RMDN2: variants seen among roughly 807,000 people sequenced by gnomAD.
RMDN2 encodes regulator of microtubule dynamics protein 2.
In RMDN2, 61 loss-of-function variants were observed where a neutral mutation model predicts 52.8. The observed-to-expected ratio is 1.16, with a 90% confidence interval of 0.94 to 1.43. The LOEUF (loss-of-function observed/expected upper bound fraction) is 1.43. Ranked by LOEUF, RMDN2 falls within the 40% of genes most tolerant of loss-of-function variation. The probability of loss-of-function intolerance (pLI) is 0.00; values close to 1 mark genes in which losing one functional copy is unlikely to be tolerated. For synonymous variants in RMDN2, 180 were observed against 153.1 expected, an observed-to-expected ratio of 1.18 and a Z score of -1.30; for missense variants, 592 against 475.3, an observed-to-expected ratio of 1.25 and a Z score of -2.28.
intron 6 of RMDN2, among the ~76,000 whole-genome samples, 167 bp from the exon 7 acceptor site, chr2:37,991,053 A>G (rs1014118252): frequency 3.3e-5 from 5 of 152,200 alleles, no homozygotes; most frequent in Admixed American, 3.3e-4. Flanking sequence ...GTAAGCAATC[A>G]TTTTTGGTAA....
At chr2:38,050,222 C>T (rs1159029424) in intron 10 of RMDN2, among the ~76,000 whole-genome samples, 1 of 152,024 alleles carries the variant, frequency 6.6e-6, no homozygotes, top group Non-Finnish European at 1.5e-5. Context: ...TGTGCCTCCA[C>T]TCCTCTCATG....
Position 37,997,434 on chromosome 2 carries a change from A to C in RMDN2, c.964A>C (p.Ile322Leu), listed in dbSNP as rs1376285750. The stretch of plus-strand genomic sequence containing the variant: ...TTTGCAGGTCTCAAAACTGAGCTGG[A>C]TTGAGAAAAAAATGGCTGCTACTCT... ...YCYTVSKLSWIEKKMAATLFG... is the reference protein window; with the variant it reads ...YCYTVSKLSWLEKKMAATLFG... Residue 322 changes from isoleucine to leucine, a missense_variant, in exon 8 of 11, where the codon ATT becomes CTT. By Grantham distance (5) the Ile-to-Leu change is conservative (BLOSUM62 2). Coordinates refer to ENST00000354545, the MANE Select transcript of RMDN2 (RefSeq NM_001170791.3). The C allele has an allele frequency of 4.3e-6, 7 of 1,613,202 alleles. No individual in the cohort carries two copies. The highest frequency in any genetic ancestry group is 4.2e-6 in the Non-Finnish European group (5 of 1,179,286).
At chr2:38,049,730 GC>G (rs938548924) in intron 10 of RMDN2, among the ~76,000 whole-genome samples, 15 of 152,178 alleles carry the variant, frequency 9.9e-5, no homozygotes, top group African/African-American at 3.4e-4. Flanking sequence ...ATGCCACCAT[GC>G]CCAGCTAATT....
At chr2:38,056,742 G>C (rs183063075) in intron 10 of RMDN2, among the ~76,000 whole-genome samples, 2 of 152,212 alleles carry the variant, frequency 1.3e-5, no homozygotes, top group Admixed American at 1.3e-4. Flanking sequence ...ACCCCTAAAT[G>C]ATATAAAATG....
At chr2:38,021,861 G>C (rs1369417211), downstream of RMDN2, among the ~76,000 whole-genome samples, 2 of 152,156 alleles carry the variant, frequency 1.3e-5, no homozygotes, top group Non-Finnish European at 2.9e-5. Context: ...GTGAGGCCCA[G>C]TTCTTAACAG....
chr2:37,975,389 G>T, intron 4 of RMDN2, 75 bp downstream of exon 4: 1 of 858,078 alleles, frequency 1.2e-6, no homozygotes, highest in South Asian at 1.4e-5. Context: ...AAAAAAGGAT[G>T]AGTTCATGTC....
At chr2:37,982,218 C>T (rs1673412817) in intron 5 of RMDN2, among the ~76,000 whole-genome samples, 1 of 152,134 alleles carries the variant, frequency 6.6e-6, no homozygotes, top group Non-Finnish European at 1.5e-5. Flanking sequence ...CTCATTTTTG[C>T]CCCACCAAAA....
chr2:37,994,800 TA>T (rs1300625532), intron 7 of RMDN2, among the ~76,000 whole-genome samples: 1 of 152,116 alleles, frequency 6.6e-6, no homozygotes, highest in Non-Finnish European at 1.5e-5. Flanking sequence ...CCAAGAGAAA[TA>T]AAAATATATG....
At position 38,007,712 on chromosome 2, in the gene RMDN2, C is replaced by G. The variant is rs186701600; in HGVS notation, c.1179+3496C>G. On this transcript the variant is annotated intron_variant, in intron 10 of 10. Transcript: ENST00000354545. The stretch of plus-strand genomic sequence containing the variant: ...TTTTATGTCTCTGTTTCCTTCAGTT[C>G]TGCTCTGATCTTAGTTATTTCTTGC... Among the ~76,000 whole-genome samples the G allele has an allele frequency of 1.2e-4, 19 of 152,162 alleles. No individual in the cohort carries two copies. In the East Asian group the frequency reaches 3.5e-3, roughly 28 times the overall value.
chr2:37,985,726 A>G (rs1353038145), intron 5 of RMDN2, among the ~76,000 whole-genome samples: 7 of 152,182 alleles, frequency 4.6e-5, no homozygotes, highest in Non-Finnish European at 1.0e-4. Flanking sequence ...CACAACAGTA[A>G]CTCAAAAGAT....
intron 1 of RMDN2, chr2:37,928,664 T>A (rs1666477813): frequency 6.6e-6 from 1 of 152,332 alleles, no homozygotes; most frequent in Non-Finnish European, 1.5e-5. Flanking sequence ...AATGAATGGT[T>A]TATGTTCCCA....
At chr2:37,938,777 G>T (rs562061587) in intron 2 of RMDN2, among the ~76,000 whole-genome samples, 1 of 151,830 alleles carries the variant, frequency 6.6e-6, no homozygotes, top group South Asian at 2.1e-4. Context: ...GTCTATTTGA[G>T]TCTTCTCTCC....
chr2:37,921,058 A>G (rs911312190), upstream of RMDN2, among the ~76,000 whole-genome samples: 2 of 152,242 alleles, frequency 1.3e-5, no homozygotes, highest in Non-Finnish European at 2.9e-5. Context: ...TTAATTAGGT[A>G]TGTATACTTT....
chr2:37,939,360 A>G (rs541219527), intron 2 of RMDN2, among the ~76,000 whole-genome samples: 1 of 152,284 alleles, frequency 6.6e-6, no homozygotes, highest in East Asian at 1.9e-4. Flanking sequence ...AGAAAAATGT[A>G]TATTCTGTTG....
intron 10 of RMDN2, among the ~76,000 whole-genome samples, chr2:38,031,524 A>G (rs1573183060): frequency 6.6e-6 from 1 of 152,214 alleles, no homozygotes; most frequent in East Asian, 1.9e-4. Context: ...TACATTTCAT[A>G]AAGTAGTTGA....
intron 2 of RMDN2, chr2:37,951,380 C>T (rs1668770580): frequency 6.2e-7 from 1 of 1,613,136 alleles, no homozygotes; most frequent in South Asian, 1.1e-5. Flanking sequence ...CACATAAAGT[C>T]AATGCAGCCA....
intron 2 of RMDN2, among the ~76,000 whole-genome samples, chr2:37,968,457 A>G (rs1034950119): frequency 2.0e-5 from 3 of 151,014 alleles, no homozygotes; most frequent in East Asian, 1.9e-4. Flanking sequence ...AAAAAAAAAA[A>G]AAAAGAAAGT....
chr2:38,007,587 C>A (rs1677295896), intron 10 of RMDN2, among the ~76,000 whole-genome samples: 1 of 152,044 alleles, frequency 6.6e-6, no homozygotes, highest in South Asian at 2.1e-4. Context: ...CTATTTGATT[C>A]TTCTGTCTTT....
At chr2:38,038,865 C>A (rs1296814766) in intron 10 of RMDN2, among the ~76,000 whole-genome samples, 1 of 152,058 alleles carries the variant, frequency 6.6e-6, no homozygotes, top group Non-Finnish European at 1.5e-5. Context: ...CCCATCCCAT[C>A]CCTGCCCTGA....
Sources: allele counts gnomAD v4.1 joint callset (sites outside exome capture counted in the v4.1 genomes callset), GRCh38; gene constraint gnomAD v4.1.1; transcripts MANE v1.5; gene names NCBI Gene and HGNC (gene_info 2026-07-23, HGNC 2026-07-21).